The following CAPN9 variants were observed in gnomAD, a reference collection of about 807,000 sequenced individuals.
The protein encoded by CAPN9 is calpain 9.
CAPN9 carries 81 observed loss-of-function variants against 92.8 expected under a neutral mutation model. That is an observed-to-expected ratio of 0.87 (90% CI 0.73 to 1.05). CAPN9 has a LOEUF of 1.05. Ranked by LOEUF, CAPN9 falls within the 50% of genes least tolerant of loss-of-function variation. The pLI is 0.00. For missense variants in CAPN9, 848 were observed against 866.2 expected, an observed-to-expected ratio of 0.98 and a Z score of 0.26; for synonymous variants, 304 against 328.0, an observed-to-expected ratio of 0.93 and a Z score of 0.79.
In CAPN9 at chr1:230,779,210, G is replaced by A. The variant is rs1022533849; in HGVS notation, c.1114+77G>A. On this transcript the variant is annotated intron_variant, in intron 9 of 19. Coordinates refer to ENST00000271971, the MANE Select transcript of CAPN9 (RefSeq NM_006615.3). The stretch of plus-strand genomic sequence containing the variant: ...CTCAGGACACCAAAGGATAAGGGCC[G>A]GGTCCTCAGAGAAAGCCTGAAACAT... The A allele has an allele frequency of 1.2e-5, 16 of 1,390,400 alleles. No individual in the cohort carries two copies. In the African/African-American group the frequency reaches 1.3e-4, roughly 11 times the overall value. The allele number at this position is 1,390,400 out of a possible 1,614,324, so 86.1% of individuals were successfully genotyped here.
chr1:230,747,618 C>A lies in CAPN9; in HGVS notation c.122C>A (p.Thr41Asn). ...AGGCAGGAGTGCCTGCAGAGAGGCA[C>A]CCTGTTTGAGGATGCAGACTTCCCA... ...QMRQECLQRG[T>N]LFEDADFPAS... is the part of the protein sequence containing the mutation. The change falls in exon 1 of 20, where the codon ACC becomes AAC. Residue 41 changes from threonine (T) to asparagine (N), a missense_variant. Transcript: ENST00000271971. 1 of 1,614,010 alleles carries A rather than the reference C, an allele frequency of 6.2e-7. No individual in the cohort carries two copies. Among genetic ancestry groups the A allele is most frequent in the Non-Finnish European group, 8.5e-7 (1 of 1,179,926 alleles).
At chr1:230,777,564 C>T (rs1484485326) in intron 8 of CAPN9, among the ~76,000 whole-genome samples, 3 of 152,084 alleles carry the variant, frequency 2.0e-5, no homozygotes, top group Admixed American at 1.3e-4. Context: ...AAAAAAAAGC[C>T]TCTCTTGACC....
Position 230,760,120 on chromosome 1 carries a change from C to T in CAPN9, c.402+490C>T, listed in dbSNP as rs1665538612. On this transcript the variant is annotated intron_variant, in intron 3 of 19. Transcript: ENST00000271971. ...CCCGCAGACCCTCAGCCGAGGTGCA[C>T]ATCAGGAGAGGCTTGCCCCCAGGAG... Among the ~76,000 whole-genome samples the T allele has an allele frequency of 2.0e-5, 3 of 152,154 alleles. No individual in the cohort carries two copies. The South Asian group carries it at 6.2e-4, about 32-fold the overall frequency.
chr1:230,757,629 C>T (rs1011824743), intron 2 of CAPN9, among the ~76,000 whole-genome samples: 2 of 150,712 alleles, frequency 1.3e-5, no homozygotes, highest in Admixed American at 6.6e-5. Flanking sequence ...CACCTGTAAT[C>T]GCAGCGCTTT....
chr1:230,791,977 A>T, intron 15 of CAPN9, 49 bp downstream of exon 15: 1 of 1,336,582 alleles, frequency 7.5e-7, no homozygotes, highest in Non-Finnish European at 1.1e-6. Context: ...CCTGGGCTTT[A>T]AGCACAGTAG....
In CAPN9 at chr1:230,769,224, T is replaced by C; in HGVS notation, c.750T>C (p.Leu250=). 14 of 1,614,174 alleles carry C rather than the reference T, an allele frequency of 8.7e-6. No homozygotes were observed. Among genetic ancestry groups the C allele is most frequent in the Non-Finnish European group, 1.2e-5 (14 of 1,180,010 alleles). ...AESEARTPFG[L]IKGHAYSVTG... ...CTGAGGCCCGGACGCCGTTTGGTCT[T>C]ATTAAGGGTCATGCCTACAGTGTAA... The change falls in exon 6 of 20, where the codon CTT becomes CTC. Residue 250 remains leucine (L), a synonymous_variant. Transcript: ENST00000271971.
Position 230,769,791 on chromosome 1 carries a change from A to G in CAPN9, c.789+528A>G, listed in dbSNP as rs191945894. Among the ~76,000 whole-genome samples, 62 of 152,160 alleles carry G rather than the reference A, an allele frequency of 4.1e-4. 1 individual carries two copies. The highest frequency in any genetic ancestry group is 1.4e-3 in the African/African-American group (60 of 41,494). ...AGACCAACTCCTCCTCCTCCTTCTC[A>G]GCCTACTCAACATGAAGATAATAAG... On this transcript the variant is annotated intron_variant, in intron 6 of 19. Coordinates refer to ENST00000271971, the MANE Select transcript of CAPN9 (RefSeq NM_006615.3).
intron 1 of CAPN9, among the ~76,000 whole-genome samples, chr1:230,753,281 C>A (rs1664968676): frequency 6.6e-6 from 1 of 152,182 alleles, no homozygotes; most frequent in East Asian, 1.9e-4. Flanking sequence ...TCTGCCGGGC[C>A]TGGGGTTTTG....
In CAPN9 at chr1:230,793,990, G is replaced by A. The variant is rs376216932; in HGVS notation, c.1870+1062G>A. Among the ~76,000 whole-genome samples the A allele has an allele frequency of 4.6e-4, 70 of 152,302 alleles. 1 individual carries two copies. Among genetic ancestry groups the A allele is most frequent in the African/African-American group, 1.7e-3 (70 of 41,566 alleles). On this transcript the variant is annotated intron_variant, in intron 17 of 19. Coordinates refer to ENST00000271971, the MANE Select transcript of CAPN9 (RefSeq NM_006615.3). Reference sequence around the variant, plus strand: ...CCCCAAACATCAGGATTCTGGCCAAGGCTGGCAGCCAGCACTGCCGTGCAG... The same window carrying A: ...CCCCAAACATCAGGATTCTGGCCAAAGCTGGCAGCCAGCACTGCCGTGCAG...
intron 17 of CAPN9, 33 bp downstream of exon 17, chr1:230,792,961 T>C (rs1668111281): frequency 6.5e-7 from 1 of 1,537,956 alleles, no homozygotes; most frequent in Non-Finnish European, 9.0e-7. Context: ...GGTGGCTGAC[T>C]GCATGCCAGG....
At chr1:230,784,439 C>A (rs1399721147) in intron 11 of CAPN9, among the ~76,000 whole-genome samples, 1 of 152,260 alleles carries the variant, frequency 6.6e-6, no homozygotes, top group African/African-American at 2.4e-5. Flanking sequence ...AAAATGGCTT[C>A]ATGGGCCAGG....
intron 2 of CAPN9, among the ~76,000 whole-genome samples, chr1:230,756,839 G>A (rs929654983): frequency 2.6e-5 from 4 of 152,116 alleles, no homozygotes; most frequent in Admixed American, 6.6e-5. Flanking sequence ...CTACTTGGTA[G>A]GCTGAGATGG....
At chr1:230,771,617 T>C (rs1217398374) in intron 6 of CAPN9, among the ~76,000 whole-genome samples, 1 of 152,248 alleles carries the variant, frequency 6.6e-6, no homozygotes. Flanking sequence ...TGAGGACTAC[T>C]CTTTACCATT....
chr1:230,792,719 G>T, intron 16 of CAPN9, 131 bp from the exon 17 acceptor site: 1 of 810,506 alleles, frequency 1.2e-6, no homozygotes, highest in Non-Finnish European at 2.0e-6. Flanking sequence ...TCTTTTGGAA[G>T]GCCCAGTCCA....
chr1:230,796,248 C>A (rs1668347304), intron 18 of CAPN9, among the ~76,000 whole-genome samples: 1 of 151,712 alleles, frequency 6.6e-6, no homozygotes, highest in Non-Finnish European at 1.5e-5. Flanking sequence ...CCCCTTGAAC[C>A]TGGGAGGTGG....
At position 230,790,201 on chromosome 1, in the gene CAPN9, C is replaced by A. The variant is rs566717342; in HGVS notation, c.1657+12C>A. The A allele has an allele frequency of 1.2e-6, 2 of 1,613,916 alleles. No individual in the cohort carries two copies. The highest frequency in any genetic ancestry group is 2.7e-5 in the African/African-American group (2 of 75,020). ...TGTGCTGCAAAAGAGTAAGTGCCAA[C>A]CCCATCGGGGTCCTGGGGCACCTAT... is the stretch of plus-strand genomic sequence containing the variant. On this transcript the variant is annotated intron_variant, in intron 14 of 19. Transcript: ENST00000271971.
intron 16 of CAPN9, 149 bp downstream of exon 16, chr1:230,792,643 G>C (rs772099660): frequency 1.3e-6 from 1 of 773,582 alleles, no homozygotes; most frequent in South Asian, 1.6e-5. Flanking sequence ...ATGCTATTCC[G>C]ATGCTTACGG....
chr1:230,774,888 T>C (rs1666649964), intron 8 of CAPN9, among the ~76,000 whole-genome samples: 1 of 151,866 alleles, frequency 6.6e-6, no homozygotes, highest in Admixed American at 6.6e-5. Flanking sequence ...AGTACAGGCA[T>C]GCGCCACCAC....
In CAPN9 at chr1:230,779,000, C is replaced by T; in HGVS notation, c.981C>T (p.His327=). 1 of 1,613,820 alleles carries T rather than the reference C, an allele frequency of 6.2e-7. No homozygotes were observed. Among genetic ancestry groups the T allele is most frequent in the Non-Finnish European group, 8.5e-7 (1 of 1,179,946 alleles). Residue 327 remains histidine (H), a synonymous_variant, in exon 9 of 20, where the codon CAC becomes CAT. Coordinates refer to ENST00000271971, the MANE Select transcript of CAPN9 (RefSeq NM_006615.3). ...TGGCATTTAAGGACTTCAAGGCCCACTTTGATAAAGTGGAGATCTGCAACC... is the reference window on the plus strand; with the variant it reads ...TGGCATTTAAGGACTTCAAGGCCCATTTTGATAAAGTGGAGATCTGCAACC... ...FWMAFKDFKA[H]FDKVEICNLT... is the part of the protein sequence containing the mutation.
Sources: allele counts gnomAD v4.1 joint callset (sites outside exome capture counted in the v4.1 genomes callset), GRCh38; gene constraint gnomAD v4.1.1; transcripts MANE v1.5; gene names NCBI Gene and HGNC (gene_info 2026-07-23, HGNC 2026-07-21).